PRDM10: variants seen among roughly 807,000 people sequenced by gnomAD.
The protein encoded by PRDM10 is PR/SET domain 10.
In PRDM10, 65 loss-of-function variants were observed where a neutral mutation model predicts 133.1. The observed-to-expected ratio is 0.49, with a 90% CI of 0.40 to 0.60. PRDM10 has a LOEUF of 0.60. Among genes scored for constraint, PRDM10 ranks in the 20% least tolerant of loss-of-function variants. The pLI is 0.00. For synonymous variants in PRDM10, 582 were observed against 580.4 expected (o/e 1.00, Z -0.04); for missense variants, 1,137 against 1,507.1 (o/e 0.75, Z 4.07).
rs192786131 is a variant in PRDM10 at position 129,900,399 on chromosome 11, A to G, written c.*1914T>C. On this transcript the variant is annotated 3_prime_UTR_variant, in exon 21 of 21. Transcript: ENST00000360871. Reference sequence around the variant, plus strand: ...GACAACTTAGAAGGGAAAGCAACAAAGAGGTCCTTCCACAATATTTTCCTC... The same window carrying G: ...GACAACTTAGAAGGGAAAGCAACAAGGAGGTCCTTCCACAATATTTTCCTC... 8 of 152,988 alleles carry G rather than the reference A, an allele frequency of 5.2e-5. No homozygotes were observed. Among genetic ancestry groups the G allele is most frequent in the Non-Finnish European group, 1.0e-4 (7 of 68,028 alleles). The allele number at this position is 152,988 out of a possible 1,614,324, so 9.5% of individuals were successfully genotyped here.
rs551342989 is a variant in PRDM10, at chr11:129,918,066, G to A, written c.2214+473C>T. 6.6e-6 allele frequency among the ~76,000 whole-genome samples: 1 copy of A among 152,260 alleles called. No individual in the cohort carries two copies. The highest frequency in any genetic ancestry group is 6.5e-5 in the Admixed American group (1 of 15,292). ...GAATCGCTTGAACCTGGGAGGGGGA[G>A]GTTGCAGTGAGCTGAGATCACGCCA... On this transcript the variant is annotated intron_variant, in intron 14 of 20. Transcript: ENST00000360871. This position sits in a 1 kb window ranked among gnomAD's most constrained non-coding sequence, Gnocchi z 5.3.
rs748892885 is a variant in PRDM10, at chr11:129,902,352, G to A, written c.3432C>T (p.Asn1144=). 14 of 1,614,024 alleles carry A rather than the reference G, an allele frequency of 8.7e-6. No individual in the cohort carries two copies. The highest frequency in any genetic ancestry group is 4.4e-5 in the South Asian group (4 of 91,080). The part of the protein sequence containing the change: ...TTQYIITTTT[N]GNGSSEVHIT... ...TATGCACTTCGCTGCTTCCGTTCCC[G>A]TTGGTGGTGGTGGTGATGATGTACT... The change falls in exon 21 of 21, where the codon AAC becomes AAT. Residue 1144 remains asparagine (N), a synonymous_variant. Coordinates refer to ENST00000360871, the MANE Select transcript of PRDM10 (RefSeq NM_199437.2).
intron 4 of PRDM10, among the ~76,000 whole-genome samples, chr11:129,949,807 G>A (rs755842093): frequency 1.3e-5 from 2 of 151,912 alleles, no homozygotes; most frequent in South Asian, 2.1e-4. Flanking sequence ...GGTAGCGGGT[G>A]CCTGTAATCC....
intron 11 of PRDM10, among the ~76,000 whole-genome samples, chr11:129,926,491 C>G (rs1175280809): frequency 1.3e-5 from 2 of 152,192 alleles, no homozygotes; most frequent in African/African-American, 4.8e-5. Context: ...TTAGTGCGAT[C>G]TTAACTTCAA....
At chr11:129,926,395 AG>A (rs1164133066) in intron 11 of PRDM10, among the ~76,000 whole-genome samples, 1 of 152,088 alleles carries the variant, frequency 6.6e-6, no homozygotes, top group Admixed American at 6.5e-5. Flanking sequence ...GATTGCTACA[AG>A]GGGGGGAAAT....
At chr11:129,979,422 C>T (rs12287411) in intron 1 of PRDM10, among the ~76,000 whole-genome samples, 7,837 of 152,130 alleles carry the variant, frequency 0.052, 674 homozygotes, top group African/African-American at 0.18. Context: ...GGCAGAGCAG[C>T]GCAGTTCGGA....
In PRDM10 at chr11:129,914,908, C is replaced by G. The variant is rs1230502265; in HGVS notation, c.2637G>C (p.Leu879Phe). 1.2e-6 allele frequency: 2 copies of G among 1,614,038 alleles called. No homozygotes were observed. The highest frequency in any genetic ancestry group is 3.3e-5 in the Admixed American group (2 of 59,998). Reference protein sequence around the residue: ...TAVISATPAVLTTDSATGETV... With the variant: ...TAVISATPAVFTTDSATGETV... ...TCTCTCCAGTGGCGCTGTCTGTAGT[C>G]AAAACCGCTGGGGTGGCACTGATCA... is the stretch of plus-strand genomic sequence containing the variant. Residue 879 changes from leucine (L) to phenylalanine (F), a missense_variant, in exon 17 of 21, where the codon TTG (leucine) becomes TTC (phenylalanine). Leu to Phe is a conservative substitution (Grantham distance 22). Coordinates refer to ENST00000360871, the MANE Select transcript of PRDM10 (RefSeq NM_199437.2).
At chr11:129,944,438 A>G (rs921174664) in intron 6 of PRDM10, among the ~76,000 whole-genome samples, 15 of 151,978 alleles carry the variant, frequency 9.9e-5, no homozygotes, top group Non-Finnish European at 1.9e-4. Flanking sequence ...AAAAGAAATT[A>G]GCCGGGCGTG....
chr11:129,951,361 A>C (rs1565491594), intron 4 of PRDM10, among the ~76,000 whole-genome samples: 1 of 152,182 alleles, frequency 6.6e-6, no homozygotes, highest in Admixed American at 6.5e-5. Context: ...CAGAAGCGGT[A>C]AACGTCACCC....
rs1951602457 is a variant in PRDM10, at chr11:129,952,357, A to T, written c.294+3155T>A. ...GTGTGGAAATGGGGCACCCTTGTAT[A>T]CTATACTGTTGGTGGGAATACAAAT... On this transcript the variant is annotated intron_variant, in intron 4 of 20. Transcript: ENST00000360871. 2.6e-5 allele frequency among the ~76,000 whole-genome samples: 4 copies of T among 152,202 alleles called. No homozygotes were observed. In the South Asian group the frequency reaches 8.3e-4, roughly 32 times the overall value.
chr11:129,956,737 T>C (rs1035331139), intron 3 of PRDM10, among the ~76,000 whole-genome samples: 2 of 152,238 alleles, frequency 1.3e-5, no homozygotes, highest in Non-Finnish European at 1.5e-5. Context: ...TTCATACTTA[T>C]GTAGATTTGA....
chr11:129,960,764 T>C, intron 2 of PRDM10, 132 bp downstream of exon 2: 1 of 875,782 alleles, frequency 1.1e-6, no homozygotes, highest in Non-Finnish European at 1.8e-6. Context: ...TCCCTATTCC[T>C]TGTGTACGAG....
In PRDM10 at chr11:129,931,239, G is replaced by A; in HGVS notation, c.1307C>T (p.Thr436Ile). 1 of 1,613,794 alleles carries A rather than the reference G, an allele frequency of 6.2e-7. No homozygotes were observed. Residue 436 changes from threonine (T) to isoleucine (I), a missense_variant, in exon 11 of 21, where the codon ACA (threonine) becomes ATA (isoleucine). Around this residue, in one of 6 missense-constraint regions of PRDM10, gnomAD observed 635 missense variants for 835.2 expected, o/e 0.76. Transcript: ENST00000360871. ...DGTQDLLHFPTKEQFDEAEPA... is the reference protein window; with the variant it reads ...DGTQDLLHFPIKEQFDEAEPA... Reference sequence around the variant, plus strand: ...TTCAGCCTCATCAAATTGCTCCTTTGTGGGAAAATGTAGCAAGTCCTGAAA... The same window carrying A: ...TTCAGCCTCATCAAATTGCTCCTTTATGGGAAAATGTAGCAAGTCCTGAAA...
intron 9 of PRDM10, among the ~76,000 whole-genome samples, chr11:129,933,101 A>T (rs979178946): frequency 2.6e-5 from 4 of 152,248 alleles, no homozygotes; most frequent in African/African-American, 7.2e-5. Flanking sequence ...AAAGAGGCTT[A>T]AAAAAGTAGG....
chr11:129,931,407 C>T, intron 10 of PRDM10, 149 bp from the exon 11 acceptor site: 1 of 1,077,772 alleles, frequency 9.3e-7, no homozygotes, highest in Non-Finnish European at 1.3e-6. Flanking sequence ...TAACTATGCA[C>T]AGAAGGCAAA....
intron 1 of PRDM10, among the ~76,000 whole-genome samples, chr11:129,984,447 C>T (rs1312229409): frequency 1.3e-5 from 2 of 152,218 alleles, no homozygotes; most frequent in Non-Finnish European, 2.9e-5. Flanking sequence ...GACTCTGCAG[C>T]ACACACTGAA....
At chr11:129,958,011 G>C in intron 2 of PRDM10, 101 bp from the exon 3 acceptor site, 1 of 1,333,656 alleles carries the variant, frequency 7.5e-7, no homozygotes, top group South Asian at 1.4e-5. Flanking sequence ...CAGGAGAATG[G>C]GGATGGATAC....
intron 1 of PRDM10, among the ~76,000 whole-genome samples, chr11:129,991,957 C>T (rs1938782352): frequency 6.6e-6 from 1 of 152,296 alleles, no homozygotes; most frequent in Admixed American, 6.5e-5. Context: ...CGCCACTGCA[C>T]TCCAGCCTGG....
intron 5 of PRDM10, among the ~76,000 whole-genome samples, chr11:129,946,351 T>C (rs1951412253): frequency 6.6e-6 from 1 of 151,972 alleles, no homozygotes; most frequent in Admixed American, 6.6e-5. Flanking sequence ...TGAACTGGGA[T>C]TAGATGTGGA....
Sources: gnomAD v4.1 joint callset for allele counts (sites outside exome capture counted in the v4.1 genomes callset) on GRCh38, gnomAD v4.1.1 for gene constraint, gnomAD v4.1.1 regional missense constraint, Gnocchi (gnomAD v3.1) non-coding constraint, MANE v1.5 for transcripts, NCBI Gene and HGNC (gene_info 2026-07-23, HGNC 2026-07-21) for gene names.